Variants in SH3RF1 observed in about 807,000 individuals in gnomAD.
SH3RF1 encodes the protein E3 ubiquitin-protein ligase SH3RF1.
Under a neutral mutation model 74.0 loss-of-function variants are expected in SH3RF1, and 32 were observed. The observed-to-expected ratio is 0.43, with a 90% CI of 0.33 to 0.58. SH3RF1 has a LOEUF of 0.58. Among genes scored for constraint, SH3RF1 ranks in the 20% least tolerant of loss-of-function variants. The probability of loss-of-function intolerance (pLI) is 0.05; values close to 1 mark genes in which losing one functional copy is unlikely to be tolerated. For missense variants in SH3RF1, 954 were observed against 1,130.9 expected, an observed-to-expected ratio of 0.84 and a Z score of 2.24; for synonymous variants, 396 against 439.6, an observed-to-expected ratio of 0.90 and a Z score of 1.24.
At chr4:169,096,949 T>C (rs934893072) in intron 11 of SH3RF1, among the ~76,000 whole-genome samples, 3 of 152,208 alleles carry the variant, frequency 2.0e-5, no homozygotes, top group African/African-American at 7.2e-5. Flanking sequence ...CAGCCATCCT[T>C]GTTCCCTACC....
chr4:169,159,972 T>C (rs1376896273), intron 2 of SH3RF1, among the ~76,000 whole-genome samples: 4 of 152,322 alleles, frequency 2.6e-5, no homozygotes, highest in Admixed American at 2.0e-4. Context: ...TACCGTTTAA[T>C]AGGGGATGGC....
In SH3RF1 at chr4:169,146,081, T is replaced by C. The variant is rs1733881631; in HGVS notation, c.765+9399A>G. ...TATATATTCTATATAAAATATTATA[T>C]ATTCTATATATTCTATATAAAATGT... On this transcript the variant is annotated intron_variant, in intron 4 of 11. Coordinates refer to ENST00000284637, the MANE Select transcript of SH3RF1 (RefSeq NM_020870.4). 1.9e-5 allele frequency among the ~76,000 whole-genome samples: 2 copies of C among 103,360 alleles called. 1 individual carries two copies. The highest frequency in any genetic ancestry group is 7.3e-5 in the African/African-American group (2 of 27,386). The allele number at this position is 103,360 out of a possible 152,430, so 67.8% of individuals were successfully genotyped here. A position where few individuals can be genotyped will look rare whatever the true frequency, so the allele number is the denominator to read the frequency against.
At chr4:169,136,648 A>G (rs774843317) in intron 4 of SH3RF1, 28 bp from the exon 5 acceptor site, 41 of 1,471,058 alleles carry the variant, frequency 2.8e-5, no homozygotes, top group Non-Finnish European at 3.6e-5. Context: ...AAACCAACAC[A>G]AGAAGGTTAA....
At position 169,106,876 on chromosome 4, in the gene SH3RF1, C is replaced by T. The variant is rs200527865; in HGVS notation, c.2469G>A (p.Leu823=). 13 of 1,610,784 alleles carry T rather than the reference C, an allele frequency of 8.1e-6. No homozygotes were observed. Among genetic ancestry groups the T allele is most frequent in the Non-Finnish European group, 1.1e-5 (13 of 1,178,750 alleles). ...CACAAACGACAGGTCTAGACTCATT[C>T]AAGACAGGACCCAGGGAGGAACAGG... ...RQACSSLGPV[L]NESRPVVCER... Residue 823 remains leucine (L), a synonymous_variant, in exon 11 of 12, where the codon TTG becomes TTA. Coordinates refer to ENST00000284637, the MANE Select transcript of SH3RF1 (RefSeq NM_020870.4).
intron 2 of SH3RF1, among the ~76,000 whole-genome samples, chr4:169,209,813 A>G (rs1467140858): frequency 2.6e-5 from 4 of 152,156 alleles, no homozygotes; most frequent in African/African-American, 9.7e-5. Context: ...TTTTGGAGAC[A>G]GGGTCTCACT....
At position 169,117,632 on chromosome 4, in the gene SH3RF1, G is replaced by A. The variant is rs370504039; in HGVS notation, c.1668C>T (p.Pro556=). 6.9e-5 allele frequency: 111 copies of A among 1,614,022 alleles called. No homozygotes were observed. Among genetic ancestry groups the A allele is most frequent in the Middle Eastern group, 4.9e-4 (3 of 6,084 alleles). Residue 556 remains proline (P), a synonymous_variant, in exon 9 of 12, where the codon CCC becomes CCT. Coordinates refer to ENST00000284637, the MANE Select transcript of SH3RF1 (RefSeq NM_020870.4). The part of the protein sequence containing the change: ...NGVAGSPSVV[P]AAVVSAAHIQ... ...TGTGAGCTGCTGATACCACAGCTGC[G>A]GGGACAACACTGGGACTCCCAGCCA...
intron 2 of SH3RF1, among the ~76,000 whole-genome samples, chr4:169,247,435 G>A (rs1731020367): frequency 1.3e-5 from 2 of 152,206 alleles, no homozygotes; most frequent in Admixed American, 6.5e-5. Context: ...CCACAGAGCT[G>A]CAGGCAGGCC....
intron 2 of SH3RF1, among the ~76,000 whole-genome samples, chr4:169,163,522 G>A (rs543064227): frequency 6.6e-6 from 1 of 152,214 alleles, no homozygotes; most frequent in African/African-American, 2.4e-5. Context: ...AAACTAGAGA[G>A]GTAGGACGAA....
chr4:169,165,729 C>A (rs1332047281), intron 2 of SH3RF1, among the ~76,000 whole-genome samples: 1 of 151,970 alleles, frequency 6.6e-6, no homozygotes, highest in Non-Finnish European at 1.5e-5. Context: ...AGAGAGGATG[C>A]TCATATAATT....
At chr4:169,203,759 C>T (rs945628437) in intron 2 of SH3RF1, among the ~76,000 whole-genome samples, 14 of 152,050 alleles carry the variant, frequency 9.2e-5, no homozygotes, top group African/African-American at 2.7e-4. Flanking sequence ...GAATAATCTC[C>T]GTAGTTTTCT....
chr4:169,101,231 A>T (rs1410620709), intron 11 of SH3RF1, among the ~76,000 whole-genome samples: 2 of 152,194 alleles, frequency 1.3e-5, no homozygotes, highest in Non-Finnish European at 2.9e-5. Context: ...CAAAAAGAAA[A>T]AGCCTAGTTG....
chr4:169,172,004 C>A (rs1734336739), intron 2 of SH3RF1, among the ~76,000 whole-genome samples: 1 of 152,146 alleles, frequency 6.6e-6, no homozygotes, highest in Admixed American at 6.5e-5. Context: ...ATTACAGCTA[C>A]AGAATAGAAT....
chr4:169,218,475 T>C (rs889099067), intron 2 of SH3RF1, among the ~76,000 whole-genome samples: 1 of 145,086 alleles, frequency 6.9e-6, no homozygotes, highest in Non-Finnish European at 1.5e-5. Flanking sequence ...AATATAAATA[T>C]ATTATATATT....
At chr4:169,175,823 T>TC (rs1035344140) in intron 2 of SH3RF1, among the ~76,000 whole-genome samples, 2 of 151,980 alleles carry the variant, frequency 1.3e-5, no homozygotes, top group Non-Finnish European at 2.9e-5. Flanking sequence ...ATCTTCCCTC[T>TC]CCCCCCATCC....
chr4:169,132,153 C>T (rs1479896671), intron 5 of SH3RF1, among the ~76,000 whole-genome samples: 1 of 152,158 alleles, frequency 6.6e-6, no homozygotes, highest in Non-Finnish European at 1.5e-5. Flanking sequence ...ACATGGACAC[C>T]CTCCACTGGT....
intron 2 of SH3RF1, among the ~76,000 whole-genome samples, chr4:169,259,274 C>T (rs917356914): frequency 3.9e-5 from 6 of 152,140 alleles, no homozygotes; most frequent in Non-Finnish European, 5.9e-5. Flanking sequence ...TTCTGCACTA[C>T]GTAACTTAAA....
chr4:169,252,136 T>C lies in SH3RF1; in HGVS notation c.393+16684A>G, dbSNP rs915743712. On this transcript the variant is annotated intron_variant, in intron 2 of 11. Coordinates refer to ENST00000284637, the MANE Select transcript of SH3RF1 (RefSeq NM_020870.4). The stretch of plus-strand genomic sequence containing the variant: ...AGGTTGCACTTAAGAGGGCCTGCGT[T>C]TTCACATTTTATAGCATGTTGAGTT... Among the ~76,000 whole-genome samples, 5 of 152,336 alleles carry C rather than the reference T, an allele frequency of 3.3e-5. No homozygotes were observed. The South Asian group carries it at 6.2e-4, about 19-fold the overall frequency.
intron 2 of SH3RF1, among the ~76,000 whole-genome samples, chr4:169,244,844 A>G (rs886261050): frequency 1.3e-5 from 2 of 152,206 alleles, no homozygotes; most frequent in Non-Finnish European, 2.9e-5. Flanking sequence ...TTAACATTGT[A>G]TTAATTTAAA....
chr4:169,251,605 G>A (rs1282014700), intron 2 of SH3RF1, among the ~76,000 whole-genome samples: 2 of 152,306 alleles, frequency 1.3e-5, no homozygotes, highest in East Asian at 3.9e-4. Context: ...TAATGGACAG[G>A]TACATTTAAG....
Sources: gnomAD v4.1 joint callset for allele counts (sites outside exome capture counted in the v4.1 genomes callset) on GRCh38, gnomAD v4.1.1 for gene constraint, MANE v1.5 for transcripts, NCBI Gene and HGNC (gene_info 2026-07-23, HGNC 2026-07-21) for gene names.